The following CDH9 variants were observed in gnomAD, a reference collection of about 807,000 sequenced individuals.
CDH9 encodes cadherin 9, also known as cadherin-9.
Under a neutral mutation model 70.9 loss-of-function variants are expected in CDH9, and 28 were observed. The observed-to-expected ratio is 0.40, with a 90% CI of 0.29 to 0.54. The LOEUF is 0.54. Among genes scored for constraint, CDH9 ranks in the 20% least tolerant of loss-of-function variants. The pLI, the probability that CDH9 is intolerant of heterozygous loss-of-function variation, is 0.59. For missense variants in CDH9, 874 were observed against 984.4 expected, an observed-to-expected ratio of 0.89 and a Z score of 1.50; for synonymous variants, 409 against 343.1, an observed-to-expected ratio of 1.19 and a Z score of -2.12.
intron 1 of CDH9, among the ~76,000 whole-genome samples, chr5:27,018,030 TA>T (rs1240644365): frequency 6.6e-6 from 1 of 151,908 alleles, no homozygotes; most frequent in Non-Finnish European, 1.5e-5. Context: ...TTCAGCATAG[TA>T]AAAACAAGTG....
At chr5:27,028,944 T>C (rs1469891044) in intron 1 of CDH9, among the ~76,000 whole-genome samples, 1 of 151,966 alleles carries the variant, frequency 6.6e-6, no homozygotes, top group East Asian at 1.9e-4. Context: ...AAAGGAATTG[T>C]TGGCCACGTG....
intron 2 of CDH9, among the ~76,000 whole-genome samples, chr5:26,959,652 C>G (rs940927067): frequency 6.6e-6 from 1 of 151,996 alleles, no homozygotes; most frequent in South Asian, 2.1e-4. Flanking sequence ...TCAATTTATA[C>G]AATGGAATAT....
intron 2 of CDH9, among the ~76,000 whole-genome samples, chr5:26,944,660 A>G (rs1741717619): frequency 1.3e-5 from 2 of 152,190 alleles, no homozygotes; most frequent in South Asian, 4.1e-4. Context: ...CAAAATAAAT[A>G]GATAAATAAA....
intron 1 of CDH9, among the ~76,000 whole-genome samples, chr5:26,994,345 T>C (rs1459209211): frequency 6.6e-6 from 1 of 152,132 alleles, no homozygotes; most frequent in African/African-American, 2.4e-5. Context: ...ACTAAATATT[T>C]GTGGCCCATC....
At chr5:26,989,954 T>A (rs1742553610) in intron 1 of CDH9, among the ~76,000 whole-genome samples, 1 of 152,204 alleles carries the variant, frequency 6.6e-6, no homozygotes, top group African/African-American at 2.4e-5. Flanking sequence ...TGACTTATTT[T>A]ATTTTGACGA....
intron 7 of CDH9, among the ~76,000 whole-genome samples, chr5:26,893,681 ATTT>A (rs1219896259): frequency 2.4e-5 from 2 of 83,130 alleles, no homozygotes; most frequent in South Asian, 6.5e-4. Flanking sequence ...ATATATATAT[ATTT>A]TATTTTATTT....
intron 1 of CDH9, among the ~76,000 whole-genome samples, chr5:27,025,726 C>A (rs917470101): frequency 2.6e-5 from 4 of 151,914 alleles, no homozygotes; most frequent in African/African-American, 4.8e-5. Context: ...TGACCTTTGG[C>A]GACATTTGAG....
rs984022843 is a variant in CDH9 at position 26,975,808 on chromosome 5, C to T, written c.228+12298G>A. Among the ~76,000 whole-genome samples the T allele has an allele frequency of 2.0e-5, 3 of 152,108 alleles. No homozygotes were observed. In the South Asian group the frequency reaches 6.2e-4, roughly 32 times the overall value. ...TAGCCTATATCATAACCAGGCTTTC[C>T]CTCTGAGGGTAATTCCCAGTTATGG... On this transcript the variant is annotated intron_variant, in intron 2 of 11. Transcript: ENST00000231021.
At chr5:26,981,589 G>T (rs1742400496) in intron 2 of CDH9, among the ~76,000 whole-genome samples, 1 of 151,960 alleles carries the variant, frequency 6.6e-6, no homozygotes, top group South Asian at 2.1e-4. Context: ...GAGGCAGGTG[G>T]ATCATGTTTT....
chr5:26,973,015 T>C (rs562540012), intron 2 of CDH9, among the ~76,000 whole-genome samples: 4 of 152,038 alleles, frequency 2.6e-5, no homozygotes, highest in South Asian at 2.1e-4. Flanking sequence ...AAGCGTGTGC[T>C]ACCACACTCG....
intron 2 of CDH9, among the ~76,000 whole-genome samples, chr5:26,930,103 G>C (rs1741415748): frequency 6.6e-6 from 1 of 151,766 alleles, no homozygotes; most frequent in South Asian, 2.1e-4. Flanking sequence ...TATCTCATGT[G>C]CCCCATAAAT....
At chr5:26,928,002 A>G (rs1388520151) in intron 2 of CDH9, among the ~76,000 whole-genome samples, 4 of 152,088 alleles carry the variant, frequency 2.6e-5, no homozygotes, top group Non-Finnish European at 5.9e-5. Context: ...CCAGATTCAT[A>G]TAGAGGTGTG....
chr5:26,969,465 C>A (rs538854561), intron 2 of CDH9, among the ~76,000 whole-genome samples: 6 of 152,018 alleles, frequency 3.9e-5, no homozygotes, highest in Non-Finnish European at 8.8e-5. Context: ...GTTAATTGAT[C>A]AGAAAACGAT....
chr5:26,979,178 C>T (rs1485526485), intron 2 of CDH9, among the ~76,000 whole-genome samples: 1 of 151,154 alleles, frequency 6.6e-6, no homozygotes, highest in Non-Finnish European at 1.5e-5. Flanking sequence ...ATGCATTATG[C>T]AGTTTACAAT....
chr5:26,902,789 G>A (rs1740880404), intron 6 of CDH9, 60 bp from the exon 7 acceptor site: 19 of 1,006,734 alleles, frequency 1.9e-5, no homozygotes, highest in South Asian at 1.7e-4. Flanking sequence ...AATGAAAGAC[G>A]ATTTCAAATT....
Position 26,880,615 on chromosome 5 carries a change from G to T in CDH9, c.*521C>A, listed in dbSNP as rs937622853. On this transcript the variant is annotated 3_prime_UTR_variant, in exon 12 of 12. Coordinates refer to ENST00000231021, the MANE Select transcript of CDH9 (RefSeq NM_016279.4). ...AATGAAATGTGTTTTATAAATACTA[G>T]TTTATTTCATAAAAATACAAAAATA... 1.3e-5 allele frequency: 2 copies of T among 152,072 alleles called. No homozygotes were observed. The highest frequency in any genetic ancestry group is 4.8e-5 in the African/African-American group (2 of 41,342). The allele number at this position is 152,072 out of a possible 1,614,324, so 9.4% of individuals were successfully genotyped here. A position where few individuals can be genotyped will look rare whatever the true frequency, so the allele number is the denominator to read the frequency against.
intron 2 of CDH9, among the ~76,000 whole-genome samples, chr5:26,985,963 G>A (rs920038362): frequency 1.1e-4 from 16 of 151,914 alleles, no homozygotes; most frequent in African/African-American, 3.9e-4. Context: ...GAGAGTAAAT[G>A]CCCTTAATAA....
intron 1 of CDH9, among the ~76,000 whole-genome samples, chr5:26,994,147 C>T (rs140378365): frequency 9.9e-4 from 150 of 152,156 alleles, no homozygotes; most frequent in African/African-American, 3.3e-3. Context: ...CATATGTAGA[C>T]AAAAATTTTA....
At chr5:26,935,119 C>A (rs529562271) in intron 2 of CDH9, among the ~76,000 whole-genome samples, 1 of 151,736 alleles carries the variant, frequency 6.6e-6, no homozygotes, top group African/African-American at 2.4e-5. Flanking sequence ...TATCAAGAGG[C>A]TAAAAAAAGT....
Sources: gnomAD v4.1 joint callset for allele counts (sites outside exome capture counted in the v4.1 genomes callset) on GRCh38, gnomAD v4.1.1 for gene constraint, MANE v1.5 for transcripts, NCBI Gene and HGNC (gene_info 2026-07-23, HGNC 2026-07-21) for gene names.